Variants in VAPB observed in about 807,000 individuals in gnomAD.
The protein encoded by VAPB is VAMP associated protein B and C, also known as vesicle-associated membrane protein-associated protein B/C.
Under a neutral mutation model 25.6 loss-of-function variants are expected in VAPB, and 7 were observed. The observed-to-expected ratio is 0.27, with a 90% CI of 0.16 to 0.51. The LOEUF is 0.51. Among genes scored for constraint, VAPB ranks in the 20% least tolerant of loss-of-function variants. The pLI is 0.97. For missense variants in VAPB, 266 were observed against 301.3 expected (o/e 0.88, Z 0.87); for synonymous variants, 112 against 109.2 (o/e 1.03, Z -0.16).
In VAPB at chr20:58,434,816, G is replaced by A. The variant is rs1402534135; in HGVS notation, c.315+111G>A. On this transcript the variant is annotated intron_variant, in intron 3 of 5. Coordinates refer to ENST00000475243, the MANE Select transcript of VAPB (RefSeq NM_004738.5). ...AAATATGTCAAAATTATTTAAAAGGGAATAGTTTTTTTTCAAGGAGGTTTG... is the reference window on the plus strand; with the variant it reads ...AAATATGTCAAAATTATTTAAAAGGAAATAGTTTTTTTTCAAGGAGGTTTG... The A allele has an allele frequency of 9.1e-6, 6 of 659,386 alleles. No homozygotes were observed. In the African/African-American group the frequency reaches 1.1e-4, roughly 12 times the overall value. The allele number at this position is 659,386 out of a possible 1,614,324, so 40.8% of individuals were successfully genotyped here.
intron 1 of VAPB, among the ~76,000 whole-genome samples, chr20:58,394,797 C>T (rs945323922): frequency 1.3e-5 from 2 of 152,170 alleles, no homozygotes; most frequent in Non-Finnish European, 2.9e-5. Flanking sequence ...AATGATGTTT[C>T]CTTAACGTGA....
chr20:58,389,761 C>T (rs1011858479), intron 1 of VAPB, among the ~76,000 whole-genome samples: 1 of 152,230 alleles, frequency 6.6e-6, no homozygotes, highest in Admixed American at 6.5e-5. Context: ...CCCCAGCCTC[C>T]TGGGACTTGC....
intron 1 of VAPB, among the ~76,000 whole-genome samples, chr20:58,414,694 T>A (rs1343804316): frequency 6.7e-6 from 1 of 150,050 alleles, no homozygotes; most frequent in African/African-American, 2.5e-5. Context: ...GCTCCTCACC[T>A]CCTAGATGGG....
At chr20:58,413,738 G>C (rs1410531897) in intron 1 of VAPB, among the ~76,000 whole-genome samples, 2 of 150,010 alleles carry the variant, frequency 1.3e-5, no homozygotes, top group Admixed American at 1.3e-4. Context: ...AGAGGCGCCC[G>C]TCACCTCCCG....
intron 1 of VAPB, among the ~76,000 whole-genome samples, chr20:58,391,618 T>C (rs1164203678): frequency 6.6e-6 from 1 of 151,796 alleles, no homozygotes; most frequent in African/African-American, 2.4e-5. Context: ...AGCCTCTGCC[T>C]CCCAGGTTCA....
chr20:58,405,232 T>C lies in VAPB; in HGVS notation c.59-12979T>C, dbSNP rs148503163. ...AATGAGTGTATGAACTGTGGAGACATTTGGGAAGAGCATTACAGACAGATG... is the reference window on the plus strand; with the variant it reads ...AATGAGTGTATGAACTGTGGAGACACTTGGGAAGAGCATTACAGACAGATG... On this transcript the variant is annotated intron_variant, in intron 1 of 5. Coordinates refer to ENST00000475243, the MANE Select transcript of VAPB (RefSeq NM_004738.5). Among the ~76,000 whole-genome samples, 59 of 152,062 alleles carry C rather than the reference T, an allele frequency of 3.9e-4. No individual in the cohort carries two copies. In the East Asian group the frequency reaches 0.011, roughly 29 times the overall value.
chr20:58,438,854 G>C (rs201847663), intron 3 of VAPB, 91 bp from the exon 4 acceptor site: 1 of 1,071,806 alleles, frequency 9.3e-7, no homozygotes, highest in East Asian at 2.5e-5. Flanking sequence ...TTCTCATTAA[G>C]AGTATTTTTC....
chr20:58,421,324 G>A (rs764087514), intron 2 of VAPB, among the ~76,000 whole-genome samples: 6 of 152,140 alleles, frequency 3.9e-5, no homozygotes, highest in East Asian at 1.9e-4. Context: ...GACAAAAACC[G>A]GCTAGTTTTT....
chr20:58,438,176 T>C (rs1316391291), intron 3 of VAPB, among the ~76,000 whole-genome samples: 2 of 152,328 alleles, frequency 1.3e-5, no homozygotes, highest in East Asian at 3.9e-4. Context: ...AATGAATGTG[T>C]TCCGTTGGTA....
At chr20:58,396,947 C>T (rs1448247451) in intron 1 of VAPB, among the ~76,000 whole-genome samples, 2 of 152,150 alleles carry the variant, frequency 1.3e-5, no homozygotes, top group African/African-American at 4.8e-5. Flanking sequence ...TTGTACTTTC[C>T]CTCATACCAG....
intron 2 of VAPB, among the ~76,000 whole-genome samples, chr20:58,420,432 A>G (rs1345873030): frequency 6.6e-6 from 1 of 152,194 alleles, no homozygotes; most frequent in Non-Finnish European, 1.5e-5. Context: ...TTGGCAGATA[A>G]AGTAAGGCAC....
chr20:58,419,885 G>A (rs944705797), intron 2 of VAPB, among the ~76,000 whole-genome samples: 1 of 152,132 alleles, frequency 6.6e-6, no homozygotes, highest in Non-Finnish European at 1.5e-5. Context: ...AATGCAGCAT[G>A]GTTTTCTGAA....
intron 1 of VAPB, among the ~76,000 whole-genome samples, chr20:58,394,241 T>C (rs1987892559): frequency 6.6e-6 from 1 of 152,220 alleles, no homozygotes; most frequent in Admixed American, 6.5e-5. Context: ...TTGTTTGTTT[T>C]GTTTTGTTTT....
intron 1 of VAPB, among the ~76,000 whole-genome samples, chr20:58,393,709 A>G (rs1987869889): frequency 2.3e-5 from 3 of 132,002 alleles, no homozygotes; most frequent in South Asian, 4.8e-4. Context: ...TCACTAGGTT[A>G]AGGTTTGTTT....
chr20:58,435,205 G>C (rs1323088523), intron 3 of VAPB, among the ~76,000 whole-genome samples: 2 of 150,588 alleles, frequency 1.3e-5, no homozygotes, highest in Admixed American at 1.3e-4. Flanking sequence ...TTAAATCTAT[G>C]TTTAACTTTT....
chr20:58,444,636 T>C lies in VAPB; in HGVS notation c.*401T>C, dbSNP rs1211501616. 1 of 455,006 alleles carries C rather than the reference T, an allele frequency of 2.2e-6. No homozygotes were observed. Among genetic ancestry groups the C allele is most frequent in the Non-Finnish European group, 4.4e-6 (1 of 227,422 alleles). The allele number at this position is 455,006 out of a possible 1,614,324, so 28.2% of individuals were successfully genotyped here. A position where few individuals can be genotyped will look rare whatever the true frequency, so the allele number is the denominator to read the frequency against. On this transcript the variant is annotated 3_prime_UTR_variant, in exon 6 of 6. Coordinates refer to ENST00000475243, the MANE Select transcript of VAPB (RefSeq NM_004738.5). ...CTTGGGGAGCTGGAGCCCAGCATGC[T>C]GGGGAGTGCGGTCAGCTCCACACAG...
Position 58,448,356 on chromosome 20 carries a change from A to T in VAPB, c.*4121A>T, listed in dbSNP as rs1352574749. On this transcript the variant is annotated 3_prime_UTR_variant, in exon 6 of 6. Transcript: ENST00000475243. ...TCCCTGGCCCCTTTTCCTCAGACAG[A>T]TCTGCTCTGATAGGAACCTTTTCAA... 2.2e-6 allele frequency: 1 copy of T among 454,012 alleles called. No individual in the cohort carries two copies. The highest frequency in any genetic ancestry group is 7.0e-5 in the East Asian group (1 of 14,384). 28.1% of individuals were successfully genotyped at this position (454,012 alleles called of 1,614,324 possible).
intron 1 of VAPB, among the ~76,000 whole-genome samples, 192 bp from the exon 2 acceptor site, chr20:58,418,019 G>C (rs1230099320): frequency 6.6e-6 from 1 of 152,202 alleles, no homozygotes; most frequent in Non-Finnish European, 1.5e-5. Context: ...TGGTGAAATA[G>C]TGGGAACATG....
Position 58,397,274 on chromosome 20 carries a change from C to T in VAPB, c.58+7757C>T, listed in dbSNP as rs139383468. On this transcript the variant is annotated intron_variant, in intron 1 of 5. Coordinates refer to ENST00000475243, the MANE Select transcript of VAPB (RefSeq NM_004738.5). ...GTGGCTCATGCCTGTAATCCCAGCACGTTGGGAGGCTGAGGCAGGCAGATC... is the reference window on the plus strand; with the variant it reads ...GTGGCTCATGCCTGTAATCCCAGCATGTTGGGAGGCTGAGGCAGGCAGATC... Among the ~76,000 whole-genome samples the T allele has an allele frequency of 1.1e-3, 166 of 152,068 alleles. 3 individuals carry two copies. The East Asian group carries it at 0.021, about 20-fold the overall frequency.
Sources: allele counts gnomAD v4.1 joint callset (sites outside exome capture counted in the v4.1 genomes callset), GRCh38; gene constraint gnomAD v4.1.1; transcripts MANE v1.5; gene names NCBI Gene and HGNC (gene_info 2026-07-23, HGNC 2026-07-21).